The following HIVEP3 variants were observed in gnomAD, a reference collection of about 807,000 sequenced individuals.
The protein encoded by HIVEP3 is transcription factor HIVEP3.
A neutral mutation model predicts 152.8 loss-of-function variants in HIVEP3; 49 were observed. The observed-to-expected ratio is 0.32, with a 90% CI of 0.26 to 0.41. HIVEP3 has a LOEUF of 0.41. Among genes scored for constraint, HIVEP3 ranks in the 10% least tolerant of loss-of-function variants. The probability of loss-of-function intolerance (pLI) is 1.00; values close to 1 mark genes in which losing one functional copy is unlikely to be tolerated. For missense variants in HIVEP3, 2,790 were observed against 3,103.3 expected (o/e 0.90, Z 2.40); for synonymous variants, 1,269 against 1,289.0 (o/e 0.98, Z 0.33).
chr1:41,987,612 C>T (rs1178415233), intron 1 of HIVEP3, among the ~76,000 whole-genome samples: 2 of 152,226 alleles, frequency 1.3e-5, no homozygotes, highest in Non-Finnish European at 2.9e-5. Context: ...GAAATAAATG[C>T]ATGCATTTAC....
intron 3 of HIVEP3, among the ~76,000 whole-genome samples, chr1:41,599,256 T>C (rs981014415): frequency 7.9e-5 from 12 of 152,042 alleles, no homozygotes; most frequent in Admixed American, 6.6e-5. Context: ...AGAAAACGAA[T>C]GTGAAATGAA....
At chr1:41,692,778 C>T (rs1000870576) in intron 2 of HIVEP3, among the ~76,000 whole-genome samples, 4 of 152,192 alleles carry the variant, frequency 2.6e-5, no homozygotes, top group African/African-American at 9.7e-5. Flanking sequence ...GGCATCTTTC[C>T]ATTTTCATAA....
chr1:41,830,752 C>T lies in HIVEP3; in HGVS notation c.-801+87661G>A, dbSNP rs72671243. Among the ~76,000 whole-genome samples, 1,325 of 152,266 alleles carry T rather than the reference C, an allele frequency of 8.7e-3. 11 individuals carry two copies. The highest frequency in any genetic ancestry group is 0.014 in the Middle Eastern group (4 of 294). On this transcript the variant is annotated intron_variant, in intron 1 of 8. Coordinates refer to ENST00000372583, the MANE Select transcript of HIVEP3 (RefSeq NM_024503.5). Reference sequence around the variant, plus strand: ...CTTTTCCCTCTCCCCCACCCTGTGTCCCTCCCACCCCAGTGAACTTCCTAC... The same window carrying T: ...CTTTTCCCTCTCCCCCACCCTGTGTTCCTCCCACCCCAGTGAACTTCCTAC...
intron 1 of HIVEP3, among the ~76,000 whole-genome samples, chr1:41,804,121 T>C (rs1280773843): frequency 6.6e-6 from 1 of 152,192 alleles, no homozygotes; most frequent in Non-Finnish European, 1.5e-5. Flanking sequence ...TAAAGTGAGG[T>C]ATACATAAAT....
chr1:41,698,818 C>A (rs1646316690), intron 2 of HIVEP3, among the ~76,000 whole-genome samples: 1 of 152,154 alleles, frequency 6.6e-6, no homozygotes, highest in Non-Finnish European at 1.5e-5. Flanking sequence ...CTGGTCTTCT[C>A]TTGTTTCTGC....
chr1:41,980,714 A>G (rs1645289235), intron 1 of HIVEP3, among the ~76,000 whole-genome samples: 1 of 152,212 alleles, frequency 6.6e-6, no homozygotes, highest in Non-Finnish European at 1.5e-5. Context: ...TTGTTATTAA[A>G]ATGGGGAAAG....
At chr1:41,668,592 C>T (rs1285478081) in intron 2 of HIVEP3, among the ~76,000 whole-genome samples, 1 of 152,226 alleles carries the variant, frequency 6.6e-6, no homozygotes, top group Non-Finnish European at 1.5e-5. Context: ...CTCCACTTTT[C>T]CCCATGCTGT....
chr1:41,553,148 T>A (rs1268491644), intron 5 of HIVEP3, among the ~76,000 whole-genome samples: 1 of 152,164 alleles, frequency 6.6e-6, no homozygotes, highest in African/African-American at 2.4e-5. Context: ...TCTTTGTAGG[T>A]CTCTAAGGAC....
rs544409476 is a variant in HIVEP3 at position 41,946,575 on chromosome 1, C to G, written n.120-28051G>C. Among the ~76,000 whole-genome samples the G allele has an allele frequency of 8.5e-5, 13 of 152,270 alleles. No homozygotes were observed. In the South Asian group the frequency reaches 2.5e-3, roughly 29 times the overall value. On this transcript the variant is annotated intron_variant and non_coding_transcript_variant, in intron 1 of 3. Transcript: ENST00000489103. Reference sequence around the variant, plus strand: ...TCTAATTATGCCTGAAAGCCCCACTCGCTTGTTAGGGAGAGACATTCTAGC... The same window carrying G: ...TCTAATTATGCCTGAAAGCCCCACTGGCTTGTTAGGGAGAGACATTCTAGC...
At position 42,023,575 on chromosome 1, in the gene HIVEP3, C is replaced by A. The variant is rs115134542; in HGVS notation, n.119+12232G>T. ...CCTTCATGAATGAATTATCACCATC[C>A]ACTTGGTGCTGTTCTCCTGATAGTG... On this transcript the variant is annotated intron_variant and non_coding_transcript_variant, in intron 1 of 3. Transcript: ENST00000489103. Among the ~76,000 whole-genome samples the A allele has an allele frequency of 7.4e-3, 1,130 of 152,186 alleles. 12 individuals carry two copies. The highest frequency in any genetic ancestry group is 0.026 in the African/African-American group (1,094 of 41,510).
At chr1:41,904,505 A>G (rs1275191197) in intron 1 of HIVEP3, among the ~76,000 whole-genome samples, 1 of 152,190 alleles carries the variant, frequency 6.6e-6, no homozygotes, top group Non-Finnish European at 1.5e-5. Flanking sequence ...AGTGGAATTA[A>G]GGGAGACTAT....
At chr1:41,845,688 G>A (rs963452964) in intron 1 of HIVEP3, among the ~76,000 whole-genome samples, 8 of 152,174 alleles carry the variant, frequency 5.3e-5, no homozygotes, top group Non-Finnish European at 8.8e-5. Context: ...GGCTGGGCAT[G>A]TAAACTTTTC....
chr1:41,613,116 T>C (rs927638203), intron 3 of HIVEP3, among the ~76,000 whole-genome samples: 4 of 152,224 alleles, frequency 2.6e-5, no homozygotes, highest in Non-Finnish European at 4.4e-5. Context: ...CGCTAGGGGC[T>C]CACTGCCTGC....
At chr1:41,932,343 T>G (rs59970042) in intron 1 of HIVEP3, among the ~76,000 whole-genome samples, 4,311 of 151,922 alleles carry the variant, frequency 0.028, 221 homozygotes, top group African/African-American at 0.1. Flanking sequence ...TAACTATAAC[T>G]TCAATTTCCC....
At chr1:41,937,862 A>G (rs1219800415) in intron 1 of HIVEP3, among the ~76,000 whole-genome samples, 1 of 152,246 alleles carries the variant, frequency 6.6e-6, no homozygotes, top group East Asian at 1.9e-4. Context: ...CATACATTCA[A>G]GACTGAACAA....
intron 1 of HIVEP3, among the ~76,000 whole-genome samples, chr1:41,738,205 C>T (rs956104809): frequency 2.0e-5 from 3 of 152,196 alleles, no homozygotes; most frequent in African/African-American, 2.4e-5. Flanking sequence ...CGGGAAGCAG[C>T]GTCCCCAGAG....
intron 2 of HIVEP3, among the ~76,000 whole-genome samples, chr1:41,698,808 C>T (rs1472496788): frequency 6.6e-6 from 1 of 152,182 alleles, no homozygotes; most frequent in Non-Finnish European, 1.5e-5. Context: ...TCCCTCTCTC[C>T]TGGTCTTCTC....
At chr1:41,771,718 G>C (rs563073790) in intron 1 of HIVEP3, among the ~76,000 whole-genome samples, 3 of 152,252 alleles carry the variant, frequency 2.0e-5, no homozygotes, top group African/African-American at 7.2e-5. Context: ...GCCCAGGCTG[G>C]AGTGCAGTGG....
chr1:41,767,041 C>A (rs1648056646), intron 1 of HIVEP3, among the ~76,000 whole-genome samples: 1 of 151,400 alleles, frequency 6.6e-6, no homozygotes, highest in African/African-American at 2.4e-5. Flanking sequence ...TTCCACTCAG[C>A]CCCAGATCCC....
Sources: allele counts gnomAD v4.1 joint callset (sites outside exome capture counted in the v4.1 genomes callset), GRCh38; gene constraint gnomAD v4.1.1; transcripts MANE v1.5; gene names NCBI Gene and HGNC (gene_info 2026-07-23, HGNC 2026-07-21).